Variants in PRR5 observed in about 807,000 individuals in gnomAD.
PRR5 encodes the protein proline-rich protein 5.
Under a neutral mutation model 30.6 loss-of-function variants are expected in PRR5, and 25 were observed. That is an observed-to-expected ratio of 0.82 (90% CI 0.60 to 1.14). PRR5 has a LOEUF of 1.14. PRR5 is among the 50% of genes most tolerant of loss of function. The pLI is 0.00. For synonymous variants in PRR5, 286 were observed against 247.1 expected (o/e 1.16, Z -1.48); for missense variants, 600 against 547.1 (o/e 1.10, Z -0.96).
chr22:44,687,487 C>G (rs758109421), intron 1 of PRR5, among the ~76,000 whole-genome samples: 5 of 152,210 alleles, frequency 3.3e-5, no homozygotes, highest in Non-Finnish European at 7.3e-5. Flanking sequence ...GCTAGAGTCC[C>G]TCAGGAGAAC....
intron 7 of PRR5, 46 bp downstream of exon 7, chr22:44,735,208 G>C: frequency 6.4e-7 from 1 of 1,572,260 alleles, no homozygotes; most frequent in Non-Finnish European, 8.7e-7. Flanking sequence ...GTGACCACGG[G>C]CCCCATCCAT....
chr22:44,725,488 T>C (rs896605578), intron 3 of PRR5, among the ~76,000 whole-genome samples, 196 bp downstream of exon 3: 1 of 152,236 alleles, frequency 6.6e-6, no homozygotes, highest in Admixed American at 6.5e-5. Context: ...TGAATTCTTT[T>C]TTGAGATAGT....
At chr22:44,730,375 G>A (rs370675420) in intron 4 of PRR5, 4 of 984,948 alleles carry the variant, frequency 4.1e-6, no homozygotes, top group East Asian at 1.1e-4. Flanking sequence ...TTGGGGACAC[G>A]TCCTTGGACT....
chr22:44,697,582 C>T (rs946439180), upstream of PRR5, among the ~76,000 whole-genome samples: 16 of 152,332 alleles, frequency 1.1e-4, no homozygotes, highest in Non-Finnish European at 1.8e-4. Context: ...CACCAGGCTT[C>T]GCCACCAGGG....
intron 1 of PRR5, among the ~76,000 whole-genome samples, chr22:44,710,353 C>T (rs34926500): frequency 0.11 from 17,111 of 152,102 alleles, 1,271 homozygotes; most frequent in East Asian, 0.32. Context: ...GACTTACCCT[C>T]CTGGGATGTG....
At position 44,736,823 on chromosome 22, in the gene PRR5, C is replaced by G; in HGVS notation, c.743C>G (p.Pro248Arg). ...SRSGDVLAKN[P>R]VVRSKSYNTP... Reference sequence around the variant, plus strand: ...TCGGGGGACGTGCTGGCCAAGAACCCTGTGGTGCGCTCCAAGAGCTACAAC... The same window carrying G: ...TCGGGGGACGTGCTGGCCAAGAACCGTGTGGTGCGCTCCAAGAGCTACAAC... The change falls in exon 8 of 8, where the codon CCT (proline) becomes CGT (arginine). Residue 248 changes from proline to arginine, a missense_variant. Transcript: ENST00000336985. The G allele has an allele frequency of 6.3e-7, 1 of 1,591,056 alleles. No homozygotes were observed. The highest frequency in any genetic ancestry group is 8.6e-7 in the Non-Finnish European group (1 of 1,163,656).
chr22:44,713,963 C>T (rs1928660312), intron 1 of PRR5, among the ~76,000 whole-genome samples: 1 of 152,200 alleles, frequency 6.6e-6, no homozygotes, highest in Non-Finnish European at 1.5e-5. Context: ...GCCATCGCGC[C>T]CTGCTGATTT....
chr22:44,711,099 C>T (rs1928154615), intron 1 of PRR5, among the ~76,000 whole-genome samples: 1 of 152,080 alleles, frequency 6.6e-6, no homozygotes, highest in Non-Finnish European at 1.5e-5. Context: ...GGCGAGGAGC[C>T]CAGGAGAGGC....
At position 44,737,242 on chromosome 22, in the gene PRR5, G is replaced by A. The variant is rs113976744; in HGVS notation, c.1162G>A (p.Val388Met). ...LEGSGGRQSV[V>M] ...GGGCTCTGGGGGCCGGCAGAGTGTC[G>A]TGTGAGGCCTCACAGCTGGCCTTGA... Residue 388 changes from valine to methionine, a missense_variant, in exon 8 of 8, where the codon GTG becomes ATG. Coordinates refer to ENST00000336985, the MANE Select transcript of PRR5 (RefSeq NM_181333.4). 3.9e-5 allele frequency: 63 copies of A among 1,597,248 alleles called. 1 individual carries two copies. Among genetic ancestry groups the A allele is most frequent in the Non-Finnish European group, 4.8e-5 (56 of 1,168,666 alleles).
At chr22:44,730,167 G>T (rs1384689382) in intron 4 of PRR5, 1 of 985,234 alleles carries the variant, frequency 1.0e-6, no homozygotes, top group Non-Finnish European at 1.2e-6. Flanking sequence ...TTCCGGGAGT[G>T]GGGGCAGGGC....
At chr22:44,720,843 G>A (rs1929823191) in intron 2 of PRR5, among the ~76,000 whole-genome samples, 1 of 152,182 alleles carries the variant, frequency 6.6e-6, no homozygotes, top group South Asian at 2.1e-4. Context: ...GAGCTGTTGG[G>A]TGAGAGGAAA....
rs3761480 is a variant in PRR5 at position 44,728,782 on chromosome 22, A to T, written c.322+2148A>T. Among the ~76,000 whole-genome samples the T allele has an allele frequency of 3.3e-3, 506 of 152,302 alleles. 4 individuals carry two copies. The South Asian group carries it at 0.037, about 11-fold the overall frequency. ...CAGCTGTCCCTACAGAGCCTCTACC[A>T]GAGGTGGGTGATGGCCCCCTGTGGG... On this transcript the variant is annotated intron_variant, in intron 4 of 7. Transcript: ENST00000336985.
At position 44,732,140 on chromosome 22, in the gene PRR5, G is replaced by A. The variant is rs529494979; in HGVS notation, c.415-111G>A. On this transcript the variant is annotated intron_variant, in intron 5 of 7. Transcript: ENST00000336985. ...GTCATCTGAGGAGAACGGGGTGGAG[G>A]GGCCTGAGGGTCGGCAGGTCTCTTC... 2 of 1,518,514 alleles carry A rather than the reference G, an allele frequency of 1.3e-6. 1 individual carries two copies. The highest frequency in any genetic ancestry group is 2.4e-5 in the South Asian group (2 of 82,258). The allele number at this position is 1,518,514 out of a possible 1,614,324, so 94.1% of individuals were successfully genotyped here.
At chr22:44,699,639 A>G (rs1224170847), upstream of PRR5, among the ~76,000 whole-genome samples, 1 of 152,190 alleles carries the variant, frequency 6.6e-6, no homozygotes, top group East Asian at 1.9e-4. Flanking sequence ...GCAGTGAACA[A>G]GTTGTTACGG....
intron 6 of PRR5, among the ~76,000 whole-genome samples, chr22:44,733,434 C>G (rs191530097): frequency 0.014 from 2,199 of 152,356 alleles, 25 homozygotes; most frequent in Non-Finnish European, 0.021. Flanking sequence ...CCCCGTGAAG[C>G]TCTTTTAAAA....
chr22:44,728,190 C>T (rs1166451890), intron 4 of PRR5, among the ~76,000 whole-genome samples: 2 of 152,254 alleles, frequency 1.3e-5, no homozygotes, highest in African/African-American at 4.8e-5. Flanking sequence ...TCTTCTGCCT[C>T]GCCAGCCCTT....
intron 4 of PRR5, chr22:44,729,731 CG>C (rs1921582391): frequency 2.0e-6 from 2 of 985,464 alleles, no homozygotes; most frequent in African/African-American, 3.5e-5. Flanking sequence ...CCTGGCCTCT[CG>C]TCACCGTGTG....
chr22:44,696,401 C>T (rs953850211), intron 1 of PRR5, among the ~76,000 whole-genome samples: 1 of 152,202 alleles, frequency 6.6e-6, no homozygotes, highest in Admixed American at 6.5e-5. Context: ...CCAGAAGAGA[C>T]TTTGGAAACC....
At chr22:44,733,059 C>T (rs1427286713) in intron 6 of PRR5, among the ~76,000 whole-genome samples, 1 of 152,262 alleles carries the variant, frequency 6.6e-6, no homozygotes, top group Non-Finnish European at 1.5e-5. Flanking sequence ...TGCACGCACA[C>T]ATACACACAG....
Sources: gnomAD v4.1 joint callset for allele counts (sites outside exome capture counted in the v4.1 genomes callset) on GRCh38, gnomAD v4.1.1 for gene constraint, MANE v1.5 for transcripts, NCBI Gene and HGNC (gene_info 2026-07-23, HGNC 2026-07-21) for gene names.